The following WDTC1 variants were observed in gnomAD, a reference collection of about 807,000 sequenced individuals.
WDTC1 encodes the protein WD and tetratricopeptide repeats 1.
In WDTC1, 12 loss-of-function variants were observed where a neutral mutation model predicts 76.0. The ratio of observed to expected loss-of-function variants is 0.16; its 90% CI spans 0.10 to 0.26. The LOEUF (loss-of-function observed/expected upper bound fraction) is 0.26, where lower values mean the gene tolerates loss of function less well. Among genes scored for constraint, WDTC1 ranks in the 10% least tolerant of loss-of-function variants. The pLI is 1.00. For missense variants in WDTC1, 511 were observed against 908.8 expected, an observed-to-expected ratio of 0.56 and a Z score of 5.63; for synonymous variants, 326 against 350.8, an observed-to-expected ratio of 0.93 and a Z score of 0.79.
chr1:27,269,960 A>G (rs1248984942), intron 3 of WDTC1, among the ~76,000 whole-genome samples: 4 of 146,746 alleles, frequency 2.7e-5, no homozygotes, highest in African/African-American at 1.0e-4. Context: ...TTTTTGAGAC[A>G]GAGTCTTGCT....
intron 3 of WDTC1, among the ~76,000 whole-genome samples, chr1:27,264,463 A>C (rs74680868): frequency 1.3e-5 from 2 of 151,740 alleles, no homozygotes; most frequent in Admixed American, 6.6e-5. Context: ...AAAAAAAAAA[A>C]CCAAAACCAA....
chr1:27,258,837 T>A (rs1557484705), intron 1 of WDTC1, among the ~76,000 whole-genome samples: 1 of 152,068 alleles, frequency 6.6e-6, no homozygotes, highest in Non-Finnish European at 1.5e-5. Context: ...GGCCAGCTGG[T>A]GAGAGATTGA....
At chr1:27,255,193 C>T (rs1463829389) in intron 1 of WDTC1, among the ~76,000 whole-genome samples, 1 of 151,974 alleles carries the variant, frequency 6.6e-6, no homozygotes, top group African/African-American at 2.4e-5. Flanking sequence ...GGTAAATACC[C>T]CATTAACATT....
At chr1:27,254,941 GT>G (rs1205282465) in intron 1 of WDTC1, among the ~76,000 whole-genome samples, 32 of 143,608 alleles carry the variant, frequency 2.2e-4, no homozygotes, top group South Asian at 4.4e-4. Context: ...TTGACATTTT[GT>G]TTTTTTTTTT....
chr1:27,298,557 T>C (rs987669389), intron 12 of WDTC1, among the ~76,000 whole-genome samples: 9 of 152,216 alleles, frequency 5.9e-5, no homozygotes, highest in African/African-American at 1.9e-4. Context: ...TAAGGCTTGC[T>C]TTCTGTGTTC....
chr1:27,300,240 C>T (rs535901254), intron 12 of WDTC1, among the ~76,000 whole-genome samples: 76 of 152,196 alleles, frequency 5.0e-4, no homozygotes, highest in South Asian at 2.3e-3. Flanking sequence ...TTGTTGTGAG[C>T]TGTGCCCTTG....
intron 3 of WDTC1, among the ~76,000 whole-genome samples, chr1:27,281,068 C>G (rs1202362739): frequency 6.6e-6 from 1 of 151,932 alleles, no homozygotes; most frequent in Non-Finnish European, 1.5e-5. Context: ...CAGGCTCTAC[C>G]TATTTGAATT....
rs767532438 is a variant in WDTC1 at position 27,294,535 on chromosome 1, C to G, written c.779C>G (p.Pro260Arg). 1 of 1,614,210 alleles carries G rather than the reference C, an allele frequency of 6.2e-7. No individual in the cohort carries two copies. The highest frequency in any genetic ancestry group is 1.1e-5 in the South Asian group (1 of 91,080). The change falls in exon 9 of 16, where the codon CCT (proline) becomes CGT (arginine). Residue 260 changes from proline (P) to arginine (R), a missense_variant. Transcript: ENST00000319394. ...GCAGGTCACCTGCCAGTGAAGCTTC[C>G]TGACTACAACAACCGTTTGAGAGTG... ...YVAGHLPVKL[P>R]DYNNRLRVLV... is the part of the protein sequence containing the mutation.
intron 6 of WDTC1, among the ~76,000 whole-genome samples, chr1:27,289,933 C>T (rs887563201): frequency 2.6e-5 from 4 of 151,514 alleles, no homozygotes; most frequent in African/African-American, 9.7e-5. Context: ...GAGATGGCAG[C>T]AGTACAGTCC....
intron 3 of WDTC1, among the ~76,000 whole-genome samples, chr1:27,269,621 GT>G (rs538857228): frequency 5.5e-5 from 7 of 126,876 alleles, no homozygotes; most frequent in African/African-American, 1.5e-4. Context: ...TTTTTTTTCG[GT>G]TTTTTTTTTT....
At chr1:27,297,217 A>C in intron 11 of WDTC1, 61 bp downstream of exon 11, 1 of 1,433,826 alleles carries the variant, frequency 7.0e-7, no homozygotes. Flanking sequence ...GACTGGAGGG[A>C]GGGACATAAC....
At chr1:27,265,323 T>G (rs947550721) in intron 3 of WDTC1, among the ~76,000 whole-genome samples, 4 of 152,264 alleles carry the variant, frequency 2.6e-5, no homozygotes, top group African/African-American at 9.6e-5. Context: ...AAACTAGACA[T>G]TAAAGAAGTT....
At chr1:27,254,126 A>G (rs983438602) in intron 1 of WDTC1, among the ~76,000 whole-genome samples, 2 of 152,176 alleles carry the variant, frequency 1.3e-5, no homozygotes, top group South Asian at 4.1e-4. Flanking sequence ...AAAAAAGAAA[A>G]AAACAAAATG....
chr1:27,302,722 CAG>C (rs1403311948), intron 13 of WDTC1, among the ~76,000 whole-genome samples: 1 of 152,020 alleles, frequency 6.6e-6, no homozygotes, highest in Non-Finnish European at 1.5e-5. Context: ...GCCTGGGTGA[CAG>C]AGCAAAATCC....
chr1:27,239,826 AC>A (rs1481155669), intron 1 of WDTC1, among the ~76,000 whole-genome samples: 2 of 150,174 alleles, frequency 1.3e-5, no homozygotes, highest in Non-Finnish European at 3.0e-5. Flanking sequence ...AAAAAAAAAA[AC>A]CAAAAAAACC....
At chr1:27,290,961 G>C (rs1255801965) in intron 6 of WDTC1, among the ~76,000 whole-genome samples, 1 of 152,228 alleles carries the variant, frequency 6.6e-6, no homozygotes, top group Non-Finnish European at 1.5e-5. Flanking sequence ...CTTTGTCAGT[G>C]GCAGGTCCAA....
At chr1:27,285,602 C>CT (rs1253010715) in intron 5 of WDTC1, among the ~76,000 whole-genome samples, 1 of 151,826 alleles carries the variant, frequency 6.6e-6, no homozygotes, top group Non-Finnish European at 1.5e-5. Context: ...GAACTACATA[C>CT]TTTCTTTCTT....
chr1:27,234,505 C>A, upstream of WDTC1: 1 of 345,562 alleles, frequency 2.9e-6, no homozygotes, highest in Non-Finnish European at 5.2e-6. Context: ...GTTGACCGGG[C>A]GCGGGGGGGT....
intron 2 of WDTC1, among the ~76,000 whole-genome samples, chr1:27,262,821 C>T (rs553342168): frequency 6.6e-6 from 1 of 152,026 alleles, no homozygotes; most frequent in African/African-American, 2.4e-5. Flanking sequence ...CCTTTGTGTG[C>T]AATATGTGTC....
Sources: allele counts gnomAD v4.1 joint callset (sites outside exome capture counted in the v4.1 genomes callset), GRCh38; gene constraint gnomAD v4.1.1; transcripts MANE v1.5; gene names NCBI Gene and HGNC (gene_info 2026-07-23, HGNC 2026-07-21).